Variants in DPYD observed in about 807,000 individuals in gnomAD.
The protein encoded by DPYD is dihydropyrimidine dehydrogenase.
Under a neutral mutation model 116.2 loss-of-function variants are expected in DPYD, and 109 were observed. The ratio of observed to expected loss-of-function variants is 0.94; its 90% CI spans 0.80 to 1.10. The LOEUF (loss-of-function observed/expected upper bound fraction) is 1.10, where lower values mean the gene tolerates loss of function less well. Among genes scored for constraint, DPYD ranks in the 50% least tolerant of loss-of-function variants. The pLI, the probability that DPYD is intolerant of heterozygous loss-of-function variation, is 0.00. For missense variants in DPYD, 1,302 were observed against 1,254.5 expected (o/e 1.04, Z -0.57); for synonymous variants, 440 against 432.0 (o/e 1.02, Z -0.23).
intron 15 of DPYD, among the ~76,000 whole-genome samples, chr1:97,379,163 A>T (rs367971458): frequency 1.3e-5 from 2 of 152,168 alleles, no homozygotes; most frequent in South Asian, 2.1e-4. Flanking sequence ...TTGCAGGCCA[A>T]GGGAACAGGA....
intron 16 of DPYD, among the ~76,000 whole-genome samples, chr1:97,348,810 C>G (rs1238733745): frequency 6.6e-6 from 1 of 151,800 alleles, no homozygotes; most frequent in East Asian, 1.9e-4. Flanking sequence ...AGTTGGCGGA[C>G]AGAAGGGAGC....
chr1:97,596,842 G>A (rs1031529278), intron 8 of DPYD, among the ~76,000 whole-genome samples: 1 of 152,062 alleles, frequency 6.6e-6, no homozygotes, highest in African/African-American at 2.4e-5. Context: ...CATAGCATTT[G>A]CTCATAAATG....
At chr1:97,413,308 C>A (rs1257488350) in intron 14 of DPYD, among the ~76,000 whole-genome samples, 1 of 152,122 alleles carries the variant, frequency 6.6e-6, no homozygotes, top group South Asian at 2.1e-4. Context: ...CATGTGTCAC[C>A]CAATCCATCT....
chr1:97,243,773 A>G (rs1662534643), intron 18 of DPYD, among the ~76,000 whole-genome samples: 1 of 152,090 alleles, frequency 6.6e-6, no homozygotes, highest in South Asian at 2.1e-4. Flanking sequence ...CATATAGCCC[A>G]GTTTGCCCAA....
At chr1:97,759,579 T>G (rs1361380363) in intron 3 of DPYD, among the ~76,000 whole-genome samples, 1 of 152,172 alleles carries the variant, frequency 6.6e-6, no homozygotes, top group Non-Finnish European at 1.5e-5. Flanking sequence ...TTTTGTTTAT[T>G]ATTGTGTAGA....
intron 6 of DPYD, among the ~76,000 whole-genome samples, chr1:97,693,291 A>C (rs1571201701): frequency 1.2e-5 from 1 of 80,850 alleles, no homozygotes; most frequent in Non-Finnish European, 2.8e-5. Flanking sequence ...ACTCCGTCTC[A>C]AAAAAAAAAA....
chr1:97,287,439 A>T (rs2100964746), intron 18 of DPYD, among the ~76,000 whole-genome samples: 1 of 152,242 alleles, frequency 6.6e-6, no homozygotes, highest in Non-Finnish European at 1.5e-5. Context: ...GTGCTGGGAG[A>T]ACCACTGCTC....
chr1:97,317,982 G>A (rs111824783), intron 16 of DPYD, among the ~76,000 whole-genome samples: 5 of 151,812 alleles, frequency 3.3e-5, no homozygotes, highest in Admixed American at 1.3e-4. Context: ...GCCAAACTAA[G>A]CTTCATAAGT....
intron 14 of DPYD, among the ~76,000 whole-genome samples, chr1:97,417,740 G>A (rs997118428): frequency 2.6e-5 from 4 of 152,142 alleles, no homozygotes; most frequent in Non-Finnish European, 4.4e-5. Context: ...TACAATAAGA[G>A]TGTTAACCAT....
intron 6 of DPYD, among the ~76,000 whole-genome samples, chr1:97,698,809 C>T (rs1304235007): frequency 2.0e-5 from 3 of 151,726 alleles, no homozygotes; most frequent in African/African-American, 7.3e-5. Context: ...ATTCCCATTT[C>T]CATGTATAAA....
chr1:97,416,632 AAAG>A (rs1674306072), intron 14 of DPYD, among the ~76,000 whole-genome samples: 1 of 152,214 alleles, frequency 6.6e-6, no homozygotes, highest in Non-Finnish European at 1.5e-5. Flanking sequence ...CCTGTGGTAG[AAAG>A]CTTCACATTA....
chr1:97,300,268 C>T (rs949589053), intron 18 of DPYD, among the ~76,000 whole-genome samples: 1 of 152,090 alleles, frequency 6.6e-6, no homozygotes, highest in Non-Finnish European at 1.5e-5. Flanking sequence ...TGAATTACTA[C>T]ATTTTTATCC....
At chr1:97,782,424 C>T (rs1012348535) in intron 3 of DPYD, among the ~76,000 whole-genome samples, 4 of 152,214 alleles carry the variant, frequency 2.6e-5, no homozygotes, top group African/African-American at 9.6e-5. Context: ...GCATGTTCTA[C>T]AGAAGTCCAC....
At chr1:97,316,536 T>A (rs959808228) in intron 16 of DPYD, among the ~76,000 whole-genome samples, 2 of 149,754 alleles carry the variant, frequency 1.3e-5, no homozygotes, top group Non-Finnish European at 3.0e-5. Context: ...TAAAATAAAA[T>A]AAAATAAAAT....
chr1:97,548,568 C>A (rs1026865742), intron 12 of DPYD, among the ~76,000 whole-genome samples: 3 of 151,972 alleles, frequency 2.0e-5, no homozygotes, highest in Admixed American at 2.0e-4. Context: ...GAAACCCCAT[C>A]TCTACTAAAA....
At chr1:97,629,995 A>T (rs1481773815) in intron 8 of DPYD, among the ~76,000 whole-genome samples, 1 of 152,022 alleles carries the variant, frequency 6.6e-6, no homozygotes, top group East Asian at 1.9e-4. Context: ...TTTTCCACTC[A>T]GTCTTATTGT....
chr1:97,468,943 C>A (rs960044812), intron 13 of DPYD, among the ~76,000 whole-genome samples: 6 of 151,958 alleles, frequency 3.9e-5, no homozygotes, highest in African/African-American at 1.4e-4. Context: ...ATAATGGATT[C>A]CAAAAAAATT....
At chr1:97,609,672 G>A (rs1432875818) in intron 8 of DPYD, among the ~76,000 whole-genome samples, 2 of 151,752 alleles carry the variant, frequency 1.3e-5, no homozygotes, top group South Asian at 2.1e-4. Flanking sequence ...TAAATACATC[G>A]TTTCTTCCAT....
At chr1:97,635,096 C>A (rs183907474) in intron 8 of DPYD, among the ~76,000 whole-genome samples, 1 of 151,820 alleles carries the variant, frequency 6.6e-6, no homozygotes, top group African/African-American at 2.4e-5. Flanking sequence ...TGAAGAGAAA[C>A]GCTGGAGTGG....
Sources: allele counts gnomAD v4.1 joint callset (sites outside exome capture counted in the v4.1 genomes callset), GRCh38; gene constraint gnomAD v4.1.1; transcripts MANE v1.5; gene names NCBI Gene and HGNC (gene_info 2026-07-23, HGNC 2026-07-21).